Variants in WWC2 observed in about 807,000 individuals in gnomAD.
The protein encoded by WWC2 is protein WWC2.
A neutral mutation model predicts 138.5 loss-of-function variants in WWC2; 101 were observed. That is an observed-to-expected ratio of 0.73 (90% CI 0.62 to 0.86). The LOEUF (loss-of-function observed/expected upper bound fraction) is 0.86. Among genes scored for constraint, WWC2 ranks in the 40% least tolerant of loss-of-function variants. The pLI, the probability that WWC2 is intolerant of heterozygous loss-of-function variation, is 0.00. For synonymous variants in WWC2, 558 were observed against 538.4 expected, an observed-to-expected ratio of 1.04 and a Z score of -0.50; for missense variants, 1,420 against 1,419.4, an observed-to-expected ratio of 1.00 and a Z score of -0.01.
chr4:183,251,058 C>T (rs1736964408), intron 8 of WWC2, among the ~76,000 whole-genome samples: 1 of 152,190 alleles, frequency 6.6e-6, no homozygotes, highest in African/African-American at 2.4e-5. Flanking sequence ...ACCATGTGAG[C>T]TTGAACAAGT....
At chr4:183,279,627 G>A (rs933341497) in intron 16 of WWC2, among the ~76,000 whole-genome samples, 1 of 152,062 alleles carries the variant, frequency 6.6e-6, no homozygotes, top group Admixed American at 6.6e-5. Context: ...TGGTTGGTAA[G>A]CTATTGATTA....
chr4:183,270,730 C>CT (rs1167977083), intron 15 of WWC2, among the ~76,000 whole-genome samples: 2 of 152,156 alleles, frequency 1.3e-5, no homozygotes, highest in African/African-American at 4.8e-5. Context: ...CACCACTGCA[C>CT]TTCAGCCTGG....
intron 9 of WWC2, among the ~76,000 whole-genome samples, chr4:183,254,809 T>A (rs1438910996): frequency 1.3e-5 from 2 of 152,168 alleles, no homozygotes; most frequent in African/African-American, 4.8e-5. Flanking sequence ...GAAATTCACA[T>A]TGATATAATT....
chr4:183,246,498 G>GA (rs1281379932), intron 6 of WWC2, among the ~76,000 whole-genome samples: 85 of 152,186 alleles, frequency 5.6e-4, no homozygotes, highest in African/African-American at 1.9e-3. Flanking sequence ...CTTGCAAGAA[G>GA]AATATAAAAT....
At chr4:183,149,667 TCTC>T (rs1038985493) in intron 1 of WWC2, among the ~76,000 whole-genome samples, 3 of 147,452 alleles carry the variant, frequency 2.0e-5, no homozygotes, top group South Asian at 2.1e-4. Context: ...CTATAGCTTC[TCTC>T]TTTTTTTTTT....
chr4:183,227,498 G>A (rs936419987), intron 4 of WWC2, among the ~76,000 whole-genome samples: 1 of 151,902 alleles, frequency 6.6e-6, no homozygotes, highest in Non-Finnish European at 1.5e-5. Flanking sequence ...AGATTTTTGA[G>A]AAATTAGAGA....
chr4:183,115,120 C>T (rs1015037717), intron 1 of WWC2, among the ~76,000 whole-genome samples: 2 of 152,068 alleles, frequency 1.3e-5, no homozygotes, highest in Non-Finnish European at 2.9e-5. Context: ...TGAGAACATG[C>T]GGTATTTGGT....
chr4:183,128,956 T>G (rs1024999946), intron 1 of WWC2, among the ~76,000 whole-genome samples: 1 of 152,240 alleles, frequency 6.6e-6, no homozygotes, highest in African/African-American at 2.4e-5. Flanking sequence ...TTGAGTGATT[T>G]ATTATATAAG....
intron 1 of WWC2, among the ~76,000 whole-genome samples, chr4:183,166,647 A>G (rs1357163901): frequency 6.6e-6 from 1 of 152,204 alleles, no homozygotes; most frequent in Non-Finnish European, 1.5e-5. Flanking sequence ...TTTTGAAATT[A>G]ATTCAACCAA....
chr4:183,303,060 CAA>C (rs35439586), intron 21 of WWC2, among the ~76,000 whole-genome samples: 157 of 82,512 alleles, frequency 1.9e-3, no homozygotes, highest in Middle Eastern at 7.9e-3. Flanking sequence ...GACTCCATCT[CAA>C]AAAAAAAAAA....
chr4:183,256,698 C>G (rs1737152949), intron 9 of WWC2, among the ~76,000 whole-genome samples: 1 of 152,162 alleles, frequency 6.6e-6, no homozygotes, highest in African/African-American at 2.4e-5. Context: ...TCCTTTTCTT[C>G]TTGGTACCTA....
intron 4 of WWC2, among the ~76,000 whole-genome samples, chr4:183,218,274 C>G (rs1735812738): frequency 6.6e-6 from 1 of 151,806 alleles, no homozygotes; most frequent in South Asian, 2.1e-4. Context: ...ATAAACATCA[C>G]TAGTCATTAG....
intron 21 of WWC2, among the ~76,000 whole-genome samples, chr4:183,309,309 G>A (rs531844016): frequency 1.3e-5 from 2 of 152,268 alleles, no homozygotes; most frequent in African/African-American, 2.4e-5. Context: ...CAAGCCACAC[G>A]TTGGGAGAAA....
At chr4:183,132,424 G>A (rs754479010) in intron 1 of WWC2, among the ~76,000 whole-genome samples, 6 of 151,510 alleles carry the variant, frequency 4.0e-5, no homozygotes, top group Non-Finnish European at 8.8e-5. Context: ...TTTAATATAC[G>A]GGTGTTGAAT....
At chr4:183,237,699 A>G (rs952178235) in intron 4 of WWC2, among the ~76,000 whole-genome samples, 38 of 152,184 alleles carry the variant, frequency 2.5e-4, no homozygotes, top group African/African-American at 9.2e-4. Context: ...ACTGATAAAC[A>G]TTCAGGTTAA....
At chr4:183,250,479 G>A (rs1475254044) in intron 8 of WWC2, among the ~76,000 whole-genome samples, 1 of 151,992 alleles carries the variant, frequency 6.6e-6, no homozygotes, top group Middle Eastern at 3.2e-3. Flanking sequence ...CTTAGGTTAG[G>A]GAAAAGGAAG....
intron 4 of WWC2, among the ~76,000 whole-genome samples, chr4:183,219,198 G>A (rs1735851727): frequency 6.6e-6 from 1 of 152,110 alleles, no homozygotes; most frequent in Non-Finnish European, 1.5e-5. Context: ...AGAGAAAGGA[G>A]TTACTGTTTA....
At chr4:183,207,332 T>C (rs2111238015) in intron 2 of WWC2, among the ~76,000 whole-genome samples, 1 of 152,282 alleles carries the variant, frequency 6.6e-6, no homozygotes, top group Middle Eastern at 3.4e-3. Flanking sequence ...TCAGATCCAC[T>C]GCGGACTCAC....
intron 9 of WWC2, 63 bp downstream of exon 9, chr4:183,254,062 A>G (rs1319865685): frequency 1.7e-5 from 27 of 1,558,856 alleles, no homozygotes; most frequent in South Asian, 2.5e-5. Flanking sequence ...ACTGGATACT[A>G]TTTTCCCTGG....
Sources: allele counts gnomAD v4.1 joint callset (sites outside exome capture counted in the v4.1 genomes callset), GRCh38; gene constraint gnomAD v4.1.1; transcripts MANE v1.5; gene names NCBI Gene and HGNC (gene_info 2026-07-23, HGNC 2026-07-21).